Variants in SAMMSON observed in about 807,000 individuals in gnomAD.
SAMMSON encodes survival associated mitochondrial melanoma specific oncogenic non-coding RNA.
chr3:70,200,490 G>A (rs1387063338), intron 4 of SAMMSON, among the ~76,000 whole-genome samples: 2 of 152,152 alleles, frequency 1.3e-5, no homozygotes, highest in African/African-American at 4.8e-5. Context: ...GTTTTTGCCT[G>A]CATTGCACAC....
At chr3:70,274,699 G>C (rs1026775074) in intron 6 of SAMMSON, among the ~76,000 whole-genome samples, 2 of 152,024 alleles carry the variant, frequency 1.3e-5, no homozygotes, top group African/African-American at 4.8e-5. Flanking sequence ...AACCACCATG[G>C]CACACATCTA....
In SAMMSON at chr3:70,106,739, G is replaced by A. The variant is rs142709028; in HGVS notation, n.507+35174G>A. Among the ~76,000 whole-genome samples, 818 of 152,236 alleles carry A rather than the reference G, an allele frequency of 5.4e-3. 9 individuals carry two copies. Among genetic ancestry groups the A allele is most frequent in the African/African-American group, 0.019 (779 of 41,530 alleles). ...CTTTACAAAGCTTTTAAACTAAGGG[G>A]CGACTCTTAAAATTCAGCTATGGTC... On this transcript the variant is annotated intron_variant and non_coding_transcript_variant, in intron 4 of 9. Coordinates refer to ENST00000642114, the Ensembl canonical transcript of SAMMSON.
rs55990203 is a variant in SAMMSON at position 70,293,045 on chromosome 3, C to CAA, written n.739+1827_739+1828dup. ...GAACTTTGATTTCTGTGGTTTGAAGCAAAAAAAAAAAAAAAAAAAAAAAAA... is the reference window on the plus strand; with the variant it reads ...GAACTTTGATTTCTGTGGTTTGAAGCAAAAAAAAAAAAAAAAAAAAAAAAAAA... On this transcript the variant is annotated intron_variant and non_coding_transcript_variant, in intron 7 of 9. Transcript: ENST00000642114. Among the ~76,000 whole-genome samples, 675 of 74,748 alleles carry CAA rather than the reference C, an allele frequency of 9.0e-3. 54 individuals carry two copies. Among genetic ancestry groups the CAA allele is most frequent in the Middle Eastern group, 0.02 (2 of 98 alleles). The allele number at this position is 74,748 out of a possible 152,430, so 49.0% of individuals were successfully genotyped here.
At chr3:70,029,387 C>T (rs1321913169) in intron 3 of SAMMSON, among the ~76,000 whole-genome samples, 1 of 152,180 alleles carries the variant, frequency 6.6e-6, no homozygotes, top group East Asian at 1.9e-4. Context: ...GTTCTCTTCT[C>T]TCTGTTGAGA....
chr3:70,388,334 A>AT (rs1160739181), intron 9 of SAMMSON, among the ~76,000 whole-genome samples: 2 of 152,158 alleles, frequency 1.3e-5, no homozygotes, highest in Non-Finnish European at 2.9e-5. Flanking sequence ...CACATAGATC[A>AT]TTTGGGCTTT....
At chr3:70,125,018 G>A (rs2067450705) in intron 4 of SAMMSON, 2 of 691,570 alleles carry the variant, frequency 2.9e-6, no homozygotes. Context: ...GTCCAAGTTG[G>A]AAAGCCCTTG....
intron 6 of SAMMSON, among the ~76,000 whole-genome samples, chr3:70,260,046 A>G (rs761777896): frequency 7.2e-5 from 11 of 152,166 alleles, no homozygotes; most frequent in Admixed American, 2.6e-4. Flanking sequence ...CATGGGGATT[A>G]TAGGTTATAA....
At chr3:70,107,243 A>G (rs984631730) in intron 4 of SAMMSON, among the ~76,000 whole-genome samples, 1 of 152,218 alleles carries the variant, frequency 6.6e-6, no homozygotes, top group African/African-American at 2.4e-5. Context: ...GTCCTAACAG[A>G]GAAGATAGCA....
intron 3 of SAMMSON, among the ~76,000 whole-genome samples, chr3:70,022,932 GA>G (rs2067021615): frequency 6.6e-6 from 1 of 152,164 alleles, no homozygotes; most frequent in African/African-American, 2.4e-5. Context: ...TTCTTGTGAA[GA>G]AAAAGTTGGG....
intron 3 of SAMMSON, among the ~76,000 whole-genome samples, chr3:70,028,201 T>C (rs1323002495): frequency 2.0e-5 from 3 of 150,014 alleles, no homozygotes; most frequent in African/African-American, 7.5e-5. Flanking sequence ...CTTTCTTTCT[T>C]TCTCTCTTTC....
chr3:70,188,018 C>T (rs964950355), intron 4 of SAMMSON, among the ~76,000 whole-genome samples: 1 of 152,166 alleles, frequency 6.6e-6, no homozygotes, highest in African/African-American at 2.4e-5. Flanking sequence ...CACCTTTCCC[C>T]TGGGGAGGCA....
In SAMMSON at chr3:70,020,467, G is replaced by A. The variant is rs548524213; in HGVS notation, n.417+6795G>A. Among the ~76,000 whole-genome samples the A allele has an allele frequency of 8.3e-4, 126 of 152,236 alleles. 1 individual carries two copies. In the South Asian group the frequency reaches 0.015, roughly 18 times the overall value. On this transcript the variant is annotated intron_variant and non_coding_transcript_variant, in intron 3 of 9. Coordinates refer to ENST00000642114, the Ensembl canonical transcript of SAMMSON. ...TCTGCCCACCAATATGGAGACTGTG[G>A]CATCTGTGGTAGTGGCAGATGAATC...
intron 4 of SAMMSON, among the ~76,000 whole-genome samples, chr3:70,104,063 G>T (rs983040568): frequency 2.7e-5 from 4 of 150,694 alleles, no homozygotes; most frequent in African/African-American, 9.8e-5. Flanking sequence ...AGCTTCTGTG[G>T]TAGAACGGAA....
In SAMMSON at chr3:70,193,180, C is replaced by T. The variant is rs886828836; in HGVS notation, n.508-55927C>T. ...TATCCAAATAATGGCACAGCTCTGG[C>T]CCCCACCTGCATTTCTTGTCCTCTC... On this transcript the variant is annotated intron_variant and non_coding_transcript_variant, in intron 4 of 9. Coordinates refer to ENST00000642114, the Ensembl canonical transcript of SAMMSON. Among the ~76,000 whole-genome samples, 5 of 152,222 alleles carry T rather than the reference C, an allele frequency of 3.3e-5. No individual in the cohort carries two copies. The East Asian group carries it at 9.7e-4, about 29-fold the overall frequency.
At chr3:70,060,747 A>G (rs986986970) in intron 3 of SAMMSON, among the ~76,000 whole-genome samples, 2 of 152,132 alleles carry the variant, frequency 1.3e-5, no homozygotes, top group East Asian at 1.9e-4. Context: ...CAACATGTCA[A>G]TAGTGCTTCA....
At chr3:70,337,327 C>G (rs527995100) in intron 7 of SAMMSON, among the ~76,000 whole-genome samples, 1 of 151,302 alleles carries the variant, frequency 6.6e-6, no homozygotes, top group Admixed American at 6.6e-5. Context: ...AGATTTAGAA[C>G]CATACACAGA....
intron 6 of SAMMSON, among the ~76,000 whole-genome samples, chr3:70,270,743 G>A (rs190992037): frequency 1.6e-4 from 25 of 152,270 alleles, no homozygotes; most frequent in Admixed American, 5.9e-4. Context: ...CCAGGACACG[G>A]TTGAAGCTGG....
chr3:70,095,789 T>C (rs1240025598), intron 4 of SAMMSON, among the ~76,000 whole-genome samples: 1 of 152,240 alleles, frequency 6.6e-6, no homozygotes, highest in Non-Finnish European at 1.5e-5. Context: ...AATATTCTTG[T>C]TAACTATAAT....
Position 70,341,243 on chromosome 3 carries a change from C to G in SAMMSON, n.740-12932C>G, listed in dbSNP as rs547100495. On this transcript the variant is annotated intron_variant and non_coding_transcript_variant, in intron 7 of 9. Transcript: ENST00000642114. ...CTGCTATGATTCCATAATTAGCCCA[C>G]AAGAGACCATGGAAGAGCCAGAAGG... Among the ~76,000 whole-genome samples, 7 of 152,154 alleles carry G rather than the reference C, an allele frequency of 4.6e-5. No homozygotes were observed. In the South Asian group the frequency reaches 1.5e-3, roughly 32 times the overall value.
Sources: gnomAD v4.1 joint callset for allele counts (sites outside exome capture counted in the v4.1 genomes callset) on GRCh38, gnomAD v4.1.1 for gene constraint, MANE v1.5 for transcripts, NCBI Gene and HGNC (gene_info 2026-07-23, HGNC 2026-07-21) for gene names.